ADGRL4: variants seen among roughly 807,000 people sequenced by gnomAD.
ADGRL4 encodes the protein adhesion G protein-coupled receptor L4, also known as EGF, latrophilin and seven transmembrane domain containing 1.
Under a neutral mutation model 74.8 loss-of-function variants are expected in ADGRL4, and 90 were observed. The observed-to-expected ratio is 1.20, with a 90% confidence interval of 1.02 to 1.43. ADGRL4 has a LOEUF of 1.43. Ranked by LOEUF, ADGRL4 falls within the 40% of genes most tolerant of loss-of-function variation. The pLI, the probability that ADGRL4 is intolerant of heterozygous loss-of-function variation, is 0.00. For synonymous variants in ADGRL4, 311 were observed against 279.2 expected, an observed-to-expected ratio of 1.11 and a Z score of -1.14; for missense variants, 881 against 814.3, an observed-to-expected ratio of 1.08 and a Z score of -1.00.
Position 78,933,787 on chromosome 1 carries a change from T to C in ADGRL4, c.877+2508A>G, listed in dbSNP as rs555276312. On this transcript the variant is annotated intron_variant, in intron 7 of 14. Coordinates refer to ENST00000370742, the MANE Select transcript of ADGRL4 (RefSeq NM_022159.4). The stretch of plus-strand genomic sequence containing the variant: ...CACAAGCATTCTTTCACACCAACAA[T>C]AGACAAGCAGAGAGCCAAATCATGA... Among the ~76,000 whole-genome samples, 464 of 145,634 alleles carry C rather than the reference T, an allele frequency of 3.2e-3. 19 individuals carry two copies. The highest frequency in any genetic ancestry group is 0.012 in the African/African-American group (451 of 37,240).
intron 2 of ADGRL4, among the ~76,000 whole-genome samples, chr1:78,985,397 A>G (rs7527882): frequency 0.071 from 10,801 of 151,858 alleles, 636 homozygotes; most frequent in East Asian, 0.35. Flanking sequence ...TTTTGCAATA[A>G]GTATATATTA....
chr1:78,893,239 GA>G (rs1416549692), intron 12 of ADGRL4, 50 bp from the exon 13 acceptor site: 1 of 1,106,962 alleles, frequency 9.0e-7, no homozygotes, highest in Non-Finnish European at 1.3e-6. Context: ...TCTTAAATTG[GA>G]TACATATAAA....
intron 2 of ADGRL4, among the ~76,000 whole-genome samples, chr1:78,949,557 C>A (rs538155413): frequency 2.6e-5 from 4 of 152,076 alleles, no homozygotes; most frequent in Non-Finnish European, 4.4e-5. Flanking sequence ...TGGAGATAGG[C>A]AAGAAATTAT....
At chr1:78,944,279 A>T (rs1203611476) in intron 3 of ADGRL4, among the ~76,000 whole-genome samples, 1 of 152,220 alleles carries the variant, frequency 6.6e-6, no homozygotes, top group East Asian at 1.9e-4. Context: ...TACAGTGATT[A>T]AGATGTTACA....
Position 78,891,601 on chromosome 1 carries a change from T to TTGTG in ADGRL4, c.1932_1933insCACA (p.Thr645HisfsTer26). 6.2e-7 allele frequency: 1 copy of TTGTG among 1,613,530 alleles called. No individual in the cohort carries two copies. Among genetic ancestry groups the TTGTG allele is most frequent in the South Asian group, 1.1e-5 (1 of 91,062 alleles). Reference sequence around the variant, plus strand: ...TTGCTGACTGTGAAGAGGTAAGCTGTAACCACTGATGCGTGCACAACATGG... The same window carrying TTGTG: ...TTGCTGACTGTGAAGAGGTAAGCTGTTGTGAACCACTGATGCGTGCACAACATGG... On this transcript the variant is annotated frameshift_variant, in exon 14 of 15. Transcript: ENST00000370742. LOFTEE classifies it high-confidence loss of function.
At chr1:78,979,833 T>C (rs1650364251) in intron 2 of ADGRL4, among the ~76,000 whole-genome samples, 1 of 151,834 alleles carries the variant, frequency 6.6e-6, no homozygotes, top group Admixed American at 6.6e-5. Flanking sequence ...CACTTATAAA[T>C]GAGAGATAAG....
At chr1:78,894,183 A>G (rs374087930) in intron 12 of ADGRL4, among the ~76,000 whole-genome samples, 3 of 151,844 alleles carry the variant, frequency 2.0e-5, no homozygotes, top group Non-Finnish European at 1.5e-5. Flanking sequence ...GTTTTAAAAC[A>G]TTTCTTTTTT....
At chr1:78,925,776 T>C (rs138799223) in intron 8 of ADGRL4, among the ~76,000 whole-genome samples, 2 of 152,198 alleles carry the variant, frequency 1.3e-5, no homozygotes, top group East Asian at 1.9e-4. Context: ...TGTGTTTTTA[T>C]CAAACAAGGA....
At chr1:78,930,236 G>C (rs1321363841) in intron 7 of ADGRL4, among the ~76,000 whole-genome samples, 1 of 148,530 alleles carries the variant, frequency 6.7e-6, no homozygotes, top group Non-Finnish European at 1.5e-5. Context: ...ATATTACCTA[G>C]AGAAAATAGG....
chr1:78,989,675 G>A (rs922609720), intron 2 of ADGRL4, among the ~76,000 whole-genome samples: 2 of 151,796 alleles, frequency 1.3e-5, no homozygotes, highest in Non-Finnish European at 2.9e-5. Context: ...CAGCCTAGAT[G>A]ATCTTAATCA....
At chr1:78,977,200 G>T (rs1291444205) in intron 2 of ADGRL4, among the ~76,000 whole-genome samples, 1 of 151,622 alleles carries the variant, frequency 6.6e-6, no homozygotes, top group Non-Finnish European at 1.5e-5. Context: ...TGCAGAAAAA[G>T]CATTTGACAA....
At position 78,918,037 on chromosome 1, in the gene ADGRL4, A is replaced by G. The variant is rs763065423; in HGVS notation, c.1475T>C (p.Ile492Thr). ...GAAGTAGTGTAGCAGTCCGGCAATG[A>G]TTGAACAGAAGAGCTAGAAATCAAA... The part of the protein sequence containing the change: ...NTNTNKLFCS[I>T]IAGLLHYFFL... Residue 492 changes from isoleucine (I) to threonine (T), a missense_variant, in exon 11 of 15, where the codon ATC becomes ACC. Coordinates refer to ENST00000370742, the MANE Select transcript of ADGRL4 (RefSeq NM_022159.4). 5 of 1,607,714 alleles carry G rather than the reference A, an allele frequency of 3.1e-6. No homozygotes were observed. The South Asian group carries it at 4.4e-5, about 14-fold the overall frequency.
rs1321422956 is a variant in ADGRL4, at chr1:78,917,878, A to G, written c.1634T>C (p.Val545Ala). Residue 545 changes from valine (V) to alanine (A), a missense_variant, in exon 11 of 15, where the codon GTT becomes GCT. Val to Ala is a moderately conservative substitution (Grantham distance 64). Transcript: ENST00000370742. ...IFGYLSPAVVVGFSAALGYRY... is the reference protein window; with the variant it reads ...IFGYLSPAVVAGFSAALGYRY... ...GTATCCTAGTGCTGCCGAAAATCCA[A>G]CTACCACGGCTGGGCTTAGATAGCC... is the stretch of plus-strand genomic sequence containing the variant. The G allele has an allele frequency of 2.5e-6, 4 of 1,612,692 alleles. No homozygotes were observed. The highest frequency in any genetic ancestry group is 3.3e-5 in the Admixed American group (2 of 59,840).
At chr1:78,964,969 C>T (rs751449383) in intron 2 of ADGRL4, among the ~76,000 whole-genome samples, 35 of 152,026 alleles carry the variant, frequency 2.3e-4, no homozygotes, top group Non-Finnish European at 4.7e-4. Context: ...ATCCAGCTTT[C>T]TAATGTTCTG....
intron 12 of ADGRL4, among the ~76,000 whole-genome samples, chr1:78,916,988 A>G (rs1179956927): frequency 1.3e-5 from 2 of 151,884 alleles, no homozygotes; most frequent in Non-Finnish European, 1.5e-5. Context: ...GTTTGAAACC[A>G]CTTCCAATAA....
intron 12 of ADGRL4, among the ~76,000 whole-genome samples, chr1:78,905,527 T>A (rs1648616848): frequency 6.6e-6 from 1 of 151,978 alleles, no homozygotes; most frequent in African/African-American, 2.4e-5. Context: ...GTGGCCTTGA[T>A]CACAACTATG....
Position 78,917,646 on chromosome 1 carries a change from G to T in ADGRL4, c.1737C>A (p.Cys579Ter). ...TATATATACATACAAGAATGATTAGGCATGCTGGTCCTATAAAACTCCAAA... is the reference window on the plus strand; with the variant it reads ...TATATATACATACAAGAATGATTAGTCATGCTGGTCCTATAAAACTCCAAA... ...NFIWSFIGPACLIILVNLLAF... is the reference protein window; with the variant it reads ...NFIWSFIGPA Residue 579 changes from cysteine to a stop codon, truncating the protein, a stop_gained, in exon 12 of 15, where the codon TGC becomes TGA. Coordinates refer to ENST00000370742, the MANE Select transcript of ADGRL4 (RefSeq NM_022159.4). LOFTEE classifies it high-confidence loss of function. 6.3e-7 allele frequency: 1 copy of T among 1,599,618 alleles called. No individual in the cohort carries two copies.
rs536670768 is a variant in ADGRL4, at chr1:78,901,153, A to G, written c.1750-7964T>C. On this transcript the variant is annotated intron_variant, in intron 12 of 14. Coordinates refer to ENST00000370742, the MANE Select transcript of ADGRL4 (RefSeq NM_022159.4). ...TTAATTCCATGCAATATTTGGGGGC[A>G]TATTTACACTTAAAAATTAATTCAT... 1.7e-4 allele frequency among the ~76,000 whole-genome samples: 26 copies of G among 152,298 alleles called. No homozygotes were observed. In the East Asian group the frequency reaches 4.4e-3, roughly 26 times the overall value.
At chr1:78,994,406 GAAC>G (rs1158851337) in intron 2 of ADGRL4, among the ~76,000 whole-genome samples, 1 of 152,056 alleles carries the variant, frequency 6.6e-6, no homozygotes, top group Non-Finnish European at 1.5e-5. Context: ...CATAGGTAAA[GAAC>G]AATAAAATGG....
Sources: gnomAD v4.1 joint callset for allele counts (sites outside exome capture counted in the v4.1 genomes callset) on GRCh38, gnomAD v4.1.1 for gene constraint, MANE v1.5 for transcripts, NCBI Gene and HGNC (gene_info 2026-07-23, HGNC 2026-07-21) for gene names.